COL24A1: variants seen among roughly 807,000 people sequenced by gnomAD.
COL24A1 encodes collagen type XXIV alpha 1 chain, also known as collagen alpha-1(XXIV) chain.
Under a neutral mutation model 253.9 loss-of-function variants are expected in COL24A1, and 224 were observed. That is an observed-to-expected ratio of 0.88 (90% CI 0.79 to 0.99). The LOEUF (loss-of-function observed/expected upper bound fraction) is 0.99. Among genes scored for constraint, COL24A1 ranks in the 50% least tolerant of loss-of-function variants. COL24A1 has a pLI of 0.00. For missense variants in COL24A1, 2,131 were observed against 2,068.5 expected, an observed-to-expected ratio of 1.03 and a Z score of -0.59; for synonymous variants, 685 against 673.7, an observed-to-expected ratio of 1.02 and a Z score of -0.26.
At chr1:85,920,166 C>A (rs1686306735) in intron 24 of COL24A1, among the ~76,000 whole-genome samples, 1 of 152,006 alleles carries the variant, frequency 6.6e-6, no homozygotes, top group African/African-American at 2.4e-5. Context: ...CGTATATTTT[C>A]TAAAAGTTAA....
At chr1:86,151,249 C>G (rs147914450) in intron 1 of COL24A1, among the ~76,000 whole-genome samples, 2 of 152,026 alleles carry the variant, frequency 1.3e-5, no homozygotes, top group Non-Finnish European at 2.9e-5. Flanking sequence ...AGTTTACTCC[C>G]ACAAACAGTC....
At chr1:85,869,275 ATAT>A (rs1371098337) in intron 35 of COL24A1, among the ~76,000 whole-genome samples, 1 of 152,178 alleles carries the variant, frequency 6.6e-6, no homozygotes, top group Non-Finnish European at 1.5e-5. Flanking sequence ...TAGAGTTTCC[ATAT>A]TTTCTCCCTT....
At chr1:85,788,093 TTTA>T (rs1287427178) in intron 47 of COL24A1, among the ~76,000 whole-genome samples, 1 of 151,870 alleles carries the variant, frequency 6.6e-6, no homozygotes, top group Non-Finnish European at 1.5e-5. Context: ...TTAATTTTAT[TTTA>T]TTATGTTTTT....
At chr1:86,150,562 C>G (rs1652610038) in intron 1 of COL24A1, among the ~76,000 whole-genome samples, 1 of 151,928 alleles carries the variant, frequency 6.6e-6, no homozygotes, top group Non-Finnish European at 1.5e-5. Context: ...TATATGGTAG[C>G]CTTCTTCTTT....
At chr1:85,762,164 G>A (rs1666909205) in intron 53 of COL24A1, among the ~76,000 whole-genome samples, 2 of 152,070 alleles carry the variant, frequency 1.3e-5, no homozygotes, top group Admixed American at 6.6e-5. Flanking sequence ...ATGCTCAAAG[G>A]CCCTGTACAT....
At chr1:85,948,704 C>G (rs1689591223) in intron 24 of COL24A1, among the ~76,000 whole-genome samples, 1 of 151,598 alleles carries the variant, frequency 6.6e-6, no homozygotes, top group South Asian at 2.1e-4. Context: ...AATGACTCCT[C>G]CCTAACTCAT....
intron 25 of COL24A1, among the ~76,000 whole-genome samples, chr1:85,910,280 A>G (rs1052710123): frequency 6.6e-6 from 1 of 151,996 alleles, no homozygotes; most frequent in Non-Finnish European, 1.5e-5. Flanking sequence ...CAAGACTTAA[A>G]AGTGAGCACA....
intron 42 of COL24A1, among the ~76,000 whole-genome samples, chr1:85,839,917 C>T (rs1676417965): frequency 6.6e-6 from 1 of 151,938 alleles, no homozygotes; most frequent in South Asian, 2.1e-4. Flanking sequence ...TATCAGCACC[C>T]ACTAGGACCT....
intron 12 of COL24A1, 131 bp from the exon 13 acceptor site, chr1:86,034,054 T>G: frequency 1.7e-6 from 1 of 584,308 alleles, no homozygotes; most frequent in Non-Finnish European, 2.8e-6. Flanking sequence ...CAAACATTCT[T>G]TTGCATAACA....
intron 3 of COL24A1, among the ~76,000 whole-genome samples, chr1:86,116,031 T>C (rs1706103221): frequency 1.3e-5 from 2 of 152,204 alleles, no homozygotes; most frequent in Admixed American, 1.3e-4. Context: ...AAATAAGAAA[T>C]AGGACACTAC....
At chr1:86,116,345 C>A (rs555201183) in intron 3 of COL24A1, among the ~76,000 whole-genome samples, 1 of 152,228 alleles carries the variant, frequency 6.6e-6, no homozygotes, top group East Asian at 1.9e-4. Flanking sequence ...GCACTGTGAC[C>A]TAATGTGCTT....
intron 20 of COL24A1, among the ~76,000 whole-genome samples, chr1:85,978,510 G>GTT (rs1052305944): frequency 2.6e-5 from 4 of 151,714 alleles, no homozygotes; most frequent in Admixed American, 1.3e-4. Flanking sequence ...ATAAACCTAA[G>GTT]GTAAAAGGGT....
In COL24A1 at chr1:86,146,199, A is replaced by G; in HGVS notation, c.57-16T>C. 6.2e-7 allele frequency: 1 copy of G among 1,605,414 alleles called. No individual in the cohort carries two copies. The highest frequency in any genetic ancestry group is 8.5e-7 in the Non-Finnish European group (1 of 1,175,478). On this transcript the variant is annotated splice_polypyrimidine_tract_variant and intron_variant, in intron 1 of 59. Coordinates refer to ENST00000370571, the MANE Select transcript of COL24A1 (RefSeq NM_152890.7). ...AAGTGATTTCCTAGGAAAAGAAAAAAGCATTTGGGAAAAACTTACTAGTTG... is the reference window on the plus strand; with the variant it reads ...AAGTGATTTCCTAGGAAAAGAAAAAGGCATTTGGGAAAAACTTACTAGTTG...
intron 12 of COL24A1, among the ~76,000 whole-genome samples, chr1:86,041,135 A>T (rs1364375173): frequency 6.6e-6 from 1 of 152,174 alleles, no homozygotes; most frequent in Non-Finnish European, 1.5e-5. Flanking sequence ...AGAAAAGTAA[A>T]CATCTCTGAA....
At chr1:85,799,209 A>AT (rs1276358374) in intron 47 of COL24A1, among the ~76,000 whole-genome samples, 4 of 121,206 alleles carry the variant, frequency 3.3e-5, no homozygotes, top group Middle Eastern at 3.8e-3. Flanking sequence ...CCTTGGCCAC[A>AT]TAAAAGAAAG....
intron 6 of COL24A1, among the ~76,000 whole-genome samples, chr1:86,090,608 T>C (rs1703423770): frequency 6.6e-6 from 1 of 152,200 alleles, no homozygotes; most frequent in African/African-American, 2.4e-5. Flanking sequence ...TATATTTTAT[T>C]TGTATTCAGA....
At chr1:86,048,354 A>G (rs963353706) in intron 11 of COL24A1, among the ~76,000 whole-genome samples, 1 of 152,180 alleles carries the variant, frequency 6.6e-6, no homozygotes, top group Admixed American at 6.5e-5. Flanking sequence ...AACATTTTAT[A>G]ACGTAACACC....
intron 45 of COL24A1, among the ~76,000 whole-genome samples, chr1:85,822,490 A>G (rs141590242): frequency 1.6e-4 from 25 of 152,362 alleles, no homozygotes; most frequent in African/African-American, 4.8e-4. Flanking sequence ...CTTGCTATTT[A>G]AAGTTGAGGC....
At chr1:85,895,981 T>C in intron 30 of COL24A1, 40 bp downstream of exon 30, 3 of 1,599,588 alleles carry the variant, frequency 1.9e-6, no homozygotes, top group African/African-American at 1.4e-5. Context: ...AAAAAAGACT[T>C]AAAATGTTCA....
Sources: allele counts gnomAD v4.1 joint callset (sites outside exome capture counted in the v4.1 genomes callset), GRCh38; gene constraint gnomAD v4.1.1; transcripts MANE v1.5; gene names NCBI Gene and HGNC (gene_info 2026-07-23, HGNC 2026-07-21).